Variants in RIN2 observed in about 807,000 individuals in gnomAD.
The protein encoded by RIN2 is RAB5 interacting protein 2.
A neutral mutation model predicts 78.0 loss-of-function variants in RIN2; 36 were observed. The ratio of observed to expected loss-of-function variants is 0.46; its 90% CI spans 0.35 to 0.61. The LOEUF (loss-of-function observed/expected upper bound fraction) is 0.61, where lower values mean the gene tolerates loss of function less well. Ranked by LOEUF, RIN2 falls within the 20% of genes least tolerant of loss-of-function variation. The pLI is 0.00. For synonymous variants in RIN2, 466 were observed against 466.8 expected (o/e 1.00, Z 0.02); for missense variants, 1,087 against 1,159.7 (o/e 0.94, Z 0.91).
chr20:19,844,602 T>TCCTC (rs1555832171), intron 2 of RIN2, among the ~76,000 whole-genome samples: 2 of 15,538 alleles, frequency 1.3e-4, no homozygotes, highest in Non-Finnish European at 3.1e-4. Flanking sequence ...TGCTTCTTCC[T>TCCTC]CTTCTTCTTC....
At chr20:19,808,729 C>T (rs2035492335) in intron 2 of RIN2, among the ~76,000 whole-genome samples, 1 of 152,220 alleles carries the variant, frequency 6.6e-6, no homozygotes. Flanking sequence ...AGGCCTGCTG[C>T]TCGCCACGCA....
At chr20:19,947,793 C>A (rs569938562) in intron 4 of RIN2, among the ~76,000 whole-genome samples, 1 of 152,244 alleles carries the variant, frequency 6.6e-6, no homozygotes, top group African/African-American at 2.4e-5. Context: ...GAGACATGGG[C>A]GGAGCCTGCC....
At chr20:19,883,659 C>T (rs983303707) in intron 2 of RIN2, among the ~76,000 whole-genome samples, 18 of 152,094 alleles carry the variant, frequency 1.2e-4, no homozygotes, top group Non-Finnish European at 2.4e-4. Context: ...GGAGGACTTT[C>T]TAACCAGCAG....
rs547555110 is a variant in RIN2, at chr20:19,956,484, A to T, written c.159-131A>T. ...GAAAGCTTTCAGTCTGGAAGAGAAG[A>T]TGATTAAGGGGGCGATCACAAGATG... On this transcript the variant is annotated intron_variant, in intron 4 of 12. Coordinates refer to ENST00000255006, the MANE Select transcript of RIN2 (RefSeq NM_018993.4). 1.3e-4 allele frequency: 95 copies of T among 734,892 alleles called. 2 individuals carry two copies. In the South Asian group the frequency reaches 1.5e-3, roughly 12 times the overall value. The allele number at this position is 734,892 out of a possible 1,614,324, so 45.5% of individuals were successfully genotyped here. A position where few individuals can be genotyped will look rare whatever the true frequency, so the allele number is the denominator to read the frequency against.
chr20:19,857,406 A>G (rs767659377), intron 2 of RIN2, among the ~76,000 whole-genome samples: 20 of 152,158 alleles, frequency 1.3e-4, no homozygotes, highest in Non-Finnish European at 2.8e-4. Flanking sequence ...AATTGTTTCT[A>G]GTCTGGACTA....
In RIN2 at chr20:19,964,471, T is replaced by C. The variant is rs113484237; in HGVS notation, c.464-481T>C. ...TGATTTCAGGGAACTTGTTATATCC[T>C]CCCAGCTCTACATTCCTTCTCCCGT... On this transcript the variant is annotated intron_variant, in intron 6 of 12. Coordinates refer to ENST00000255006, the MANE Select transcript of RIN2 (RefSeq NM_018993.4). Among the ~76,000 whole-genome samples the C allele has an allele frequency of 5.9e-5, 9 of 152,276 alleles. No individual in the cohort carries two copies. In the Middle Eastern group the frequency reaches 0.01, roughly 173 times the overall value.
chr20:19,934,261 C>T (rs1430315390), intron 3 of RIN2, among the ~76,000 whole-genome samples: 2 of 140,132 alleles, frequency 1.4e-5, no homozygotes, highest in African/African-American at 4.9e-5. Flanking sequence ...ATGTAAATAA[C>T]GTTTGTATGG....
intron 2 of RIN2, among the ~76,000 whole-genome samples, chr20:19,825,515 T>A (rs951246861): frequency 4.6e-5 from 7 of 152,356 alleles, no homozygotes; most frequent in Non-Finnish European, 1.0e-4. Flanking sequence ...CTAGGCCTTT[T>A]GTGGCCAGGT....
chr20:19,993,948 CT>C (rs1254037493), intron 11 of RIN2, among the ~76,000 whole-genome samples: 1 of 152,220 alleles, frequency 6.6e-6, no homozygotes, highest in African/African-American at 2.4e-5. Flanking sequence ...AAAGTCGATT[CT>C]GTTGCTGACA....
Position 19,948,180 on chromosome 20 carries a change from CT to C in RIN2, c.159-8434del, listed in dbSNP as rs755883870. Among the ~76,000 whole-genome samples, 60 of 149,904 alleles carry C rather than the reference CT, an allele frequency of 4.0e-4. 1 individual carries two copies. The highest frequency in any genetic ancestry group is 3.6e-4 in the Non-Finnish European group (24 of 67,032). On this transcript the variant is annotated intron_variant, in intron 4 of 12. Transcript: ENST00000255006. ...TACTGACAGTGCTGAGACACAGCTG[CT>C]CGCACAGACACACGGAAGGGAGCCA... is the stretch of plus-strand genomic sequence containing the variant.
chr20:19,825,101 A>G (rs2036048855), intron 2 of RIN2, among the ~76,000 whole-genome samples: 1 of 152,188 alleles, frequency 6.6e-6, no homozygotes, highest in Non-Finnish European at 1.5e-5. Flanking sequence ...TGGGGATGAG[A>G]CCAGGCTAGA....
At chr20:19,927,545 G>A (rs2040272823) in intron 3 of RIN2, among the ~76,000 whole-genome samples, 1 of 152,088 alleles carries the variant, frequency 6.6e-6, no homozygotes, top group Non-Finnish European at 1.5e-5. Flanking sequence ...CTCCTGAGTA[G>A]CTGGGACTAC....
chr20:19,907,615 A>C (rs935442464), intron 3 of RIN2, among the ~76,000 whole-genome samples: 1 of 152,236 alleles, frequency 6.6e-6, no homozygotes, highest in Non-Finnish European at 1.5e-5. Context: ...GAGCTCAGGA[A>C]GGAAGAGGGT....
chr20:19,961,688 G>A (rs2041754343), intron 6 of RIN2, among the ~76,000 whole-genome samples: 1 of 152,130 alleles, frequency 6.6e-6, no homozygotes, highest in Non-Finnish European at 1.5e-5. Flanking sequence ...CAATCTTGCT[G>A]AGCCAAATGA....
intron 2 of RIN2, among the ~76,000 whole-genome samples, chr20:19,858,053 T>A (rs1304284320): frequency 2.0e-5 from 3 of 152,216 alleles, no homozygotes; most frequent in Non-Finnish European, 4.4e-5. Context: ...TTTTTAATGA[T>A]GTGTTTTGTT....
At chr20:19,962,409 G>A (rs987546313) in intron 6 of RIN2, among the ~76,000 whole-genome samples, 1 of 152,130 alleles carries the variant, frequency 6.6e-6, no homozygotes, top group Non-Finnish European at 1.5e-5. Context: ...GGATGTGTTG[G>A]TCGGAAGCCA....
chr20:19,979,336 G>A (rs2042375481), intron 9 of RIN2, among the ~76,000 whole-genome samples: 1 of 152,194 alleles, frequency 6.6e-6, no homozygotes, highest in Admixed American at 6.5e-5. Flanking sequence ...GCAGAAAAGA[G>A]ACAGTACTGT....
At chr20:19,936,312 A>G (rs774979228) in intron 4 of RIN2, among the ~76,000 whole-genome samples, 8 of 152,024 alleles carry the variant, frequency 5.3e-5, no homozygotes, top group Non-Finnish European at 1.0e-4. Flanking sequence ...TGAAAGTCTT[A>G]TTTTTTCCCC....
Position 19,867,402 on chromosome 20 carries a change from TATCCC to T in RIN2, c.-36-22162_-36-22158del, listed in dbSNP as rs777614173. On this transcript the variant is annotated intron_variant, in intron 2 of 12. Transcript: ENST00000255006. Reference sequence around the variant, plus strand: ...TTGCCCATATTTCAGTTTTTCCAATTATCCCAATAATGTCATTTACAGCATTTTTT... The same window carrying T: ...TTGCCCATATTTCAGTTTTTCCAATTAATAATGTCATTTACAGCATTTTTT... Among the ~76,000 whole-genome samples, 105 of 152,380 alleles carry T rather than the reference TATCCC, an allele frequency of 6.9e-4. 2 individuals carry two copies. Among genetic ancestry groups the T allele is most frequent in the Admixed American group, 2.0e-3 (30 of 15,308 alleles).
Sources: gnomAD v4.1 joint callset for allele counts (sites outside exome capture counted in the v4.1 genomes callset) on GRCh38, gnomAD v4.1.1 for gene constraint, MANE v1.5 for transcripts, NCBI Gene and HGNC (gene_info 2026-07-23, HGNC 2026-07-21) for gene names.